Variants in ANK3 observed in about 807,000 individuals in gnomAD.
The protein encoded by ANK3 is ankyrin 3.
In ANK3, 57 loss-of-function variants were observed where a neutral mutation model predicts 370.9. That is an observed-to-expected ratio of 0.15 (90% CI 0.12 to 0.19). The LOEUF is 0.19. Among genes scored for constraint, ANK3 ranks in the 10% least tolerant of loss-of-function variants. The pLI is 1.00. For synonymous variants in ANK3, 1,929 were observed against 1,946.3 expected, an observed-to-expected ratio of 0.99 and a Z score of 0.23; for missense variants, 4,439 against 5,302.1, an observed-to-expected ratio of 0.84 and a Z score of 5.06.
chr10:60,220,159 T>C (rs566462125), intron 8 of ANK3, among the ~76,000 whole-genome samples: 3 of 152,280 alleles, frequency 2.0e-5, no homozygotes, highest in African/African-American at 4.8e-5. Flanking sequence ...TTCCACCACC[T>C]ACACAAAAAA....
At chr10:60,631,497 AC>A (rs1453856513) in intron 1 of ANK3, among the ~76,000 whole-genome samples, 2 of 152,108 alleles carry the variant, frequency 1.3e-5, no homozygotes, top group Non-Finnish European at 2.9e-5. Flanking sequence ...GCACCACTGT[AC>A]CCCAGCCTGG....
At chr10:60,051,235 CA>C (rs2077928594) in intron 42 of ANK3, among the ~76,000 whole-genome samples, 1 of 152,026 alleles carries the variant, frequency 6.6e-6, no homozygotes, top group Admixed American at 6.5e-5. Flanking sequence ...CAAGAATTCT[CA>C]AATAAAACTA....
In ANK3 at chr10:60,137,374, GAAAAAAA is replaced by G. The variant is rs201151245; in HGVS notation, c.2738+1583_2738+1589del. 2.3e-4 allele frequency: 38 copies of G among 164,478 alleles called. No homozygotes were observed. The East Asian group carries it at 5.7e-3, about 25-fold the overall frequency. 10.2% of individuals were successfully genotyped at this position (164,478 alleles called of 1,614,324 possible). A position where few individuals can be genotyped will look rare whatever the true frequency, so the allele number is the denominator to read the frequency against. Reference sequence around the variant, plus strand: ...TGGGACTATTTTAAAGTAATTTTAGGAAAAAAAAAAAAAAAAAACAAGAAATAGAAAG... The same window carrying G: ...TGGGACTATTTTAAAGTAATTTTAGGAAAAAAAAAAACAAGAAATAGAAAG... On this transcript the variant is annotated intron_variant, in intron 24 of 43. Coordinates refer to ENST00000280772, the MANE Select transcript of ANK3 (RefSeq NM_020987.5).
Position 60,119,624 on chromosome 10 carries a change from T to C in ANK3, c.2842-5293A>G, listed in dbSNP as rs547215625. Among the ~76,000 whole-genome samples the C allele has an allele frequency of 1.2e-4, 18 of 151,988 alleles. No individual in the cohort carries two copies. In the South Asian group the frequency reaches 3.3e-3, roughly 28 times the overall value. ...TCTATTAAAAATTCAAAAAGAAAAC[T>C]AGACGGGTGTGGTGGCATGCACCTG... On this transcript the variant is annotated intron_variant, in intron 25 of 43. Transcript: ENST00000280772.
At position 60,183,380 on chromosome 10, in the gene ANK3, G is replaced by GA. The variant is rs549007759; in HGVS notation, c.2086-1954dup. 1.7e-4 allele frequency among the ~76,000 whole-genome samples: 26 copies of GA among 151,690 alleles called. No individual in the cohort carries two copies. The East Asian group carries it at 3.3e-3, about 19-fold the overall frequency. On this transcript the variant is annotated intron_variant, in intron 17 of 43. Transcript: ENST00000280772. ...CCACTCACTCATAGATTAAATCAGA[G>GA]AAAAAAAATCAAACATTTTTCTTAG...
At chr10:60,474,945 T>G (rs116888080) in intron 2 of ANK3, among the ~76,000 whole-genome samples, 4,006 of 152,262 alleles carry the variant, frequency 0.026, 68 homozygotes, top group Middle Eastern at 0.048. Flanking sequence ...TTTTTATATT[T>G]TAAAATATCT....
chr10:60,370,911 G>A (rs189903908), intron 1 of ANK3, among the ~76,000 whole-genome samples: 5 of 152,178 alleles, frequency 3.3e-5, no homozygotes, highest in East Asian at 1.9e-4. Flanking sequence ...AGGGGAAATC[G>A]GGAGGAAAGG....
At chr10:60,710,085 G>A (rs974431914) in intron 1 of ANK3, among the ~76,000 whole-genome samples, 1 of 152,006 alleles carries the variant, frequency 6.6e-6, no homozygotes, top group Non-Finnish European at 1.5e-5. Context: ...CCTTTGTATG[G>A]GTCCCACAGT....
chr10:60,175,520 G>A (rs2132322873), intron 18 of ANK3, among the ~76,000 whole-genome samples: 1 of 152,294 alleles, frequency 6.6e-6, no homozygotes, highest in South Asian at 2.1e-4. Context: ...TGTCATAGCT[G>A]CCTCACTGAT....
chr10:60,710,231 A>G (rs1265991146), intron 1 of ANK3, among the ~76,000 whole-genome samples: 2 of 152,198 alleles, frequency 1.3e-5, no homozygotes, highest in African/African-American at 4.8e-5. Context: ...ATCACAGGGC[A>G]CTTTAAACAG....
At chr10:60,676,128 AAC>A (rs1410961480) in intron 1 of ANK3, among the ~76,000 whole-genome samples, 1 of 151,388 alleles carries the variant, frequency 6.6e-6, no homozygotes, top group Non-Finnish European at 1.5e-5. Context: ...AACACCATAA[AAC>A]AGTCAAAAAA....
At chr10:60,731,928 A>G (rs949925629) in intron 1 of ANK3, among the ~76,000 whole-genome samples, 3 of 152,222 alleles carry the variant, frequency 2.0e-5, no homozygotes, top group Admixed American at 2.0e-4. Context: ...TCTAGGTAGC[A>G]ATCAAAACCA....
At chr10:60,615,232 A>G in intron 1 of ANK3, 1 of 1,515,814 alleles carries the variant, frequency 6.6e-7, no homozygotes. Context: ...ACCCTAAAAA[A>G]GTAAAGAAAC....
intron 1 of ANK3, among the ~76,000 whole-genome samples, chr10:60,627,946 C>G (rs2078433581): frequency 6.6e-6 from 1 of 152,118 alleles, no homozygotes; most frequent in Non-Finnish European, 1.5e-5. Context: ...AATGATCAAA[C>G]CAGAATTCAT....
At chr10:60,488,129 G>T (rs1462832107) in intron 2 of ANK3, among the ~76,000 whole-genome samples, 2 of 152,164 alleles carry the variant, frequency 1.3e-5, no homozygotes. Context: ...TGTACAGAGG[G>T]TAGAGAAGCA....
rs942427766 is a variant in ANK3 at position 60,269,094 on chromosome 10, C to A, written c.513+1037G>T. ...GAGTAGTGGTTTATAATAGGGATAA[C>A]CCTGCATCTGCCCTAATTCACTGTG... is the stretch of plus-strand genomic sequence containing the variant. On this transcript the variant is annotated intron_variant, in intron 5 of 43. Transcript: ENST00000280772. 4.6e-5 allele frequency among the ~76,000 whole-genome samples: 7 copies of A among 152,206 alleles called. No individual in the cohort carries two copies. The East Asian group carries it at 1.4e-3, about 29-fold the overall frequency.
At chr10:60,051,846 A>AATTATGGAGACTTTT (rs1368569539) in intron 42 of ANK3, among the ~76,000 whole-genome samples, 1 of 151,812 alleles carries the variant, frequency 6.6e-6, no homozygotes, top group Non-Finnish European at 1.5e-5. Context: ...ATTAAAAAAT[A>AATTATGGAGACTTTT]ATTATGGAGA....
At chr10:60,695,011 T>G (rs1214513956) in intron 1 of ANK3, among the ~76,000 whole-genome samples, 3 of 145,900 alleles carry the variant, frequency 2.1e-5, no homozygotes, top group African/African-American at 5.1e-5. Flanking sequence ...CCATCTCACG[T>G]GCAGAGACAC....
At chr10:60,637,646 A>G (rs1212744756) in intron 1 of ANK3, among the ~76,000 whole-genome samples, 1 of 152,310 alleles carries the variant, frequency 6.6e-6, no homozygotes, top group South Asian at 2.1e-4. Context: ...TAATATTCTA[A>G]AAATAAGGGA....
Sources: allele counts gnomAD v4.1 joint callset (sites outside exome capture counted in the v4.1 genomes callset), GRCh38; gene constraint gnomAD v4.1.1; transcripts MANE v1.5; gene names NCBI Gene and HGNC (gene_info 2026-07-23, HGNC 2026-07-21).